The following CNTLN variants were observed in gnomAD, a reference collection of about 807,000 sequenced individuals.
The protein encoded by CNTLN is centlein, also known as centlein, centrosomal protein.
Under a neutral mutation model 180.0 loss-of-function variants are expected in CNTLN, and 212 were observed. The observed-to-expected ratio is 1.18, with a 90% confidence interval of 1.05 to 1.32. CNTLN has a LOEUF of 1.32. Ranked by LOEUF, CNTLN falls within the 40% of genes most tolerant of loss-of-function variation. The pLI is 0.00. For synonymous variants in CNTLN, 722 were observed against 563.1 expected, an observed-to-expected ratio of 1.28 and a Z score of -3.99; for missense variants, 2,095 against 1,610.9, an observed-to-expected ratio of 1.30 and a Z score of -5.14.
chr9:17,365,624 A>G (rs1823754653), intron 12 of CNTLN, among the ~76,000 whole-genome samples: 2 of 152,094 alleles, frequency 1.3e-5, no homozygotes. Flanking sequence ...ATGTATTAAC[A>G]TTTTTCATTA....
At chr9:17,248,234 G>T (rs1384421289) in intron 5 of CNTLN, among the ~76,000 whole-genome samples, 1 of 151,996 alleles carries the variant, frequency 6.6e-6, no homozygotes, top group Non-Finnish European at 1.5e-5. Flanking sequence ...TTGGTATAAG[G>T]ATTATGCTGT....
At chr9:17,352,389 A>AAGAT (rs1822437732) in intron 12 of CNTLN, among the ~76,000 whole-genome samples, 1 of 84,464 alleles carries the variant, frequency 1.2e-5, no homozygotes, top group African/African-American at 4.2e-5. Flanking sequence ...CTCAAGCTAG[A>AAGAT]ATATATATAT....
chr9:17,298,443 TA>T (rs1818108619), intron 7 of CNTLN, 91 bp downstream of exon 7: 1 of 1,348,814 alleles, frequency 7.4e-7, no homozygotes, highest in African/African-American at 1.5e-5. Flanking sequence ...TTTCAGCATT[TA>T]ATTTTTACTT....
chr9:17,269,126 TCGCTCATGCTGGGAACTGTAGACCGGA>T (rs1827744902), intron 5 of CNTLN, among the ~76,000 whole-genome samples: 1 of 152,076 alleles, frequency 6.6e-6, no homozygotes. Flanking sequence ...GTCTTCTGCA[TCGCTCATGCTGGGAACTGTAGACCGGA>T]GCTGTTCCTA....
intron 5 of CNTLN, among the ~76,000 whole-genome samples, chr9:17,270,538 T>A (rs1176308777): frequency 2.6e-5 from 4 of 152,198 alleles, no homozygotes; most frequent in Non-Finnish European, 1.5e-5. Flanking sequence ...TATGCCTAAG[T>A]GATATTGCCC....
At chr9:17,205,845 G>T (rs1822882503) in intron 2 of CNTLN, among the ~76,000 whole-genome samples, 1 of 152,048 alleles carries the variant, frequency 6.6e-6, no homozygotes, top group Non-Finnish European at 1.5e-5. Flanking sequence ...TTTCTTGACG[G>T]ACTATTTAAT....
At chr9:17,504,587 G>C (rs1173920077), downstream of CNTLN, among the ~76,000 whole-genome samples, 1 of 152,206 alleles carries the variant, frequency 6.6e-6, no homozygotes, top group African/African-American at 2.4e-5. Context: ...TGAATGGGAA[G>C]ATTATCTTGG....
chr9:17,468,524 A>T (rs1831878158), intron 23 of CNTLN, among the ~76,000 whole-genome samples: 2 of 151,620 alleles, frequency 1.3e-5, no homozygotes. Flanking sequence ...CTTTTGGCTA[A>T]GATATAAAAT....
chr9:17,496,024 C>T (rs2134390708), intron 25 of CNTLN, among the ~76,000 whole-genome samples: 1 of 152,268 alleles, frequency 6.6e-6, no homozygotes. Context: ...AATTGCCTAA[C>T]AATGTATTTC....
intron 8 of CNTLN, among the ~76,000 whole-genome samples, chr9:17,323,172 A>T (rs929027346): frequency 1.3e-5 from 2 of 152,164 alleles, no homozygotes; most frequent in Admixed American, 1.3e-4. Context: ...CTGGATAAAA[A>T]TATCCATGTG....
intron 15 of CNTLN, among the ~76,000 whole-genome samples, chr9:17,408,400 G>A (rs1827575500): frequency 6.6e-6 from 1 of 151,804 alleles, no homozygotes; most frequent in Non-Finnish European, 1.5e-5. Flanking sequence ...ATTTTACTAA[G>A]TATTCTTGTT....
chr9:17,482,110 A>G (rs374750342), intron 23 of CNTLN, among the ~76,000 whole-genome samples: 6 of 152,232 alleles, frequency 3.9e-5, no homozygotes, highest in Admixed American at 1.3e-4. Context: ...GTAAATGAAT[A>G]TATAGAAACT....
Position 17,415,843 on chromosome 9 carries a change from A to G in CNTLN, c.2852A>G (p.Lys951Arg). 6.2e-7 allele frequency: 1 copy of G among 1,612,926 alleles called. No individual in the cohort carries two copies. Among genetic ancestry groups the G allele is most frequent in the South Asian group, 1.1e-5 (1 of 90,868 alleles). ...KKPTFQKKNC[K>R]MQKSSHTAVP... ...CCAACTTTTCAAAAGAAGAATTGCAAGATGCAAAAGAGTTCACATACAGCA... is the reference window on the plus strand; with the variant it reads ...CCAACTTTTCAAAAGAAGAATTGCAGGATGCAAAAGAGTTCACATACAGCA... Residue 951 changes from lysine to arginine, a missense_variant, in exon 17 of 26, where the codon AAG becomes AGG. Lys to Arg is a conservative substitution (Grantham distance 26, BLOSUM62 2). Coordinates refer to ENST00000380647, the MANE Select transcript of CNTLN (RefSeq NM_017738.4).
chr9:17,328,756 A>G (rs979965275), intron 8 of CNTLN, among the ~76,000 whole-genome samples: 2 of 152,024 alleles, frequency 1.3e-5, no homozygotes, highest in Non-Finnish European at 2.9e-5. Context: ...ACACATATTT[A>G]TTTATCTGCA....
chr9:17,519,015 C>T, the CNTLN span, among the ~76,000 whole-genome samples: 20 of 152,116 alleles, frequency 1.3e-4, no homozygotes, highest in African/African-American at 4.3e-4. Context: ...CTCTGCCTCC[C>T]GGGCTCAAGT....
At chr9:17,303,154 C>G (rs572065756) in intron 7 of CNTLN, among the ~76,000 whole-genome samples, 2 of 152,194 alleles carry the variant, frequency 1.3e-5, no homozygotes, top group East Asian at 1.9e-4. Context: ...GAATTCAGAT[C>G]TAGGTAATCT....
At chr9:17,214,551 A>T (rs1823588820) in intron 2 of CNTLN, among the ~76,000 whole-genome samples, 1 of 152,068 alleles carries the variant, frequency 6.6e-6, no homozygotes, top group Non-Finnish European at 1.5e-5. Context: ...GCTCTTCTCG[A>T]GGAGTATCTT....
chr9:17,167,915 A>G (rs1820186947), intron 2 of CNTLN: 1 of 151,900 alleles, frequency 6.6e-6, no homozygotes, highest in Non-Finnish European at 1.5e-5. Flanking sequence ...ACCCTGAGGA[A>G]AACTCACAGA....
chr9:17,489,510 C>T (rs1833042640), intron 25 of CNTLN, among the ~76,000 whole-genome samples: 1 of 152,000 alleles, frequency 6.6e-6, no homozygotes, highest in Non-Finnish European at 1.5e-5. Flanking sequence ...CAGGGTGAAT[C>T]TGGCCCTGTG....
Sources: gnomAD v4.1 joint callset for allele counts (sites outside exome capture counted in the v4.1 genomes callset) on GRCh38, gnomAD v4.1.1 for gene constraint, MANE v1.5 for transcripts, NCBI Gene and HGNC (gene_info 2026-07-23, HGNC 2026-07-21) for gene names.